Variants in CNBD1 observed in about 807,000 individuals in gnomAD.
CNBD1 encodes cyclic nucleotide binding domain containing 1.
In CNBD1, 71 loss-of-function variants were observed where a neutral mutation model predicts 54.4. The observed-to-expected ratio is 1.30, with a 90% confidence interval of 1.08 to 1.59. CNBD1 has a LOEUF of 1.59. Among genes scored for constraint, CNBD1 ranks in the 40% most tolerant of loss-of-function variants. CNBD1 has a pLI of 0.00. For missense variants in CNBD1, 659 were observed against 518.0 expected (o/e 1.27, Z -2.64); for synonymous variants, 182 against 170.7 (o/e 1.07, Z -0.51).
intron 4 of CNBD1, among the ~76,000 whole-genome samples, chr8:86,960,810 A>G (rs553512077): frequency 1.3e-5 from 2 of 152,282 alleles, no homozygotes; most frequent in African/African-American, 2.4e-5. Context: ...TCAGGCAGCA[A>G]CATCTTCCAT....
rs1442437855 is a variant in CNBD1, at chr8:87,128,390, C to T, written c.432-77603C>T. Among the ~76,000 whole-genome samples the T allele has an allele frequency of 2.6e-5, 4 of 152,182 alleles. No individual in the cohort carries two copies. In the East Asian group the frequency reaches 7.8e-4, roughly 30 times the overall value. ...ACACCTTAGCTCCGGCACCTGCCCT[C>T]CTGCATGCTCCCTCTCGTGAAGGGG... is the stretch of plus-strand genomic sequence containing the variant. On this transcript the variant is annotated intron_variant, in intron 4 of 10. Transcript: ENST00000518476.
Position 87,163,572 on chromosome 8 carries a change from C to T in CNBD1, c.432-42421C>T, listed in dbSNP as rs1812901145. 6.6e-6 allele frequency among the ~76,000 whole-genome samples: 1 copy of T among 151,336 alleles called. No homozygotes were observed. The highest frequency in any genetic ancestry group is 2.1e-4 in the South Asian group (1 of 4,808). On this transcript the variant is annotated intron_variant, in intron 4 of 10. Transcript: ENST00000518476. This position sits in a 1 kb window ranked among gnomAD's most constrained non-coding sequence, Gnocchi z 4.5. Reference sequence around the variant, plus strand: ...TAAAATATTAAATATTTTTTTGTTGCTGTTGTAATTGACATTTTTTAAAAT... The same window carrying T: ...TAAAATATTAAATATTTTTTTGTTGTTGTTGTAATTGACATTTTTTAAAAT...
At position 87,382,633 on chromosome 8, in the gene CNBD1, G is replaced by T. The variant is rs952859822; in HGVS notation, c.*6G>T. 6.5e-7 allele frequency: 1 copy of T among 1,531,616 alleles called. No homozygotes were observed. Among genetic ancestry groups the T allele is most frequent in the Non-Finnish European group, 8.8e-7 (1 of 1,130,860 alleles). The allele number at this position is 1,531,616 out of a possible 1,614,324, so 94.9% of individuals were successfully genotyped here. A position where few individuals can be genotyped will look rare whatever the true frequency, so the allele number is the denominator to read the frequency against. On this transcript the variant is annotated 3_prime_UTR_variant, in exon 11 of 11. Transcript: ENST00000518476. ...TGCCTTTTGCAGTGGCCTAGATCTAGAAACAACCTCAGTGAACATTAATTA... is the reference window on the plus strand; with the variant it reads ...TGCCTTTTGCAGTGGCCTAGATCTATAAACAACCTCAGTGAACATTAATTA...
intron 4 of CNBD1, among the ~76,000 whole-genome samples, chr8:87,185,763 A>G (rs147739214): frequency 3.4e-5 from 5 of 147,846 alleles, no homozygotes; most frequent in Non-Finnish European, 7.7e-5. Context: ...TAATAATTCA[A>G]CAGATTCTTT....
At chr8:87,115,239 A>C (rs1247334353) in intron 4 of CNBD1, among the ~76,000 whole-genome samples, 2 of 152,222 alleles carry the variant, frequency 1.3e-5, no homozygotes, top group African/African-American at 4.8e-5. Context: ...TACTTTAGAC[A>C]ATAGCAACAA....
intron 2 of CNBD1, among the ~76,000 whole-genome samples, chr8:87,389,627 C>T (rs574073337): frequency 6.6e-5 from 10 of 152,234 alleles, no homozygotes; most frequent in African/African-American, 2.4e-4. Context: ...GAAGAACATT[C>T]CATGCCCATG....
intron 4 of CNBD1, among the ~76,000 whole-genome samples, chr8:87,072,424 G>GT (rs1810777861): frequency 6.6e-6 from 1 of 152,072 alleles, no homozygotes; most frequent in South Asian, 2.1e-4. Context: ...TTTGTTTATT[G>GT]TTTTTTGTAG....
At chr8:87,130,582 G>C (rs1563480068) in intron 4 of CNBD1, among the ~76,000 whole-genome samples, 1 of 152,020 alleles carries the variant, frequency 6.6e-6, no homozygotes, top group Admixed American at 6.6e-5. Flanking sequence ...GTCAAGACCA[G>C]CTTGGGCAAC....
At position 87,307,335 on chromosome 8, in the gene CNBD1, G is replaced by T. The variant is rs184985696; in HGVS notation, c.1042+20664G>T. 3.6e-3 allele frequency among the ~76,000 whole-genome samples: 552 copies of T among 152,298 alleles called. 2 individuals carry two copies. The highest frequency in any genetic ancestry group is 0.012 in the African/African-American group (516 of 41,566). ...TTAAAGTGTAGGACACTAGCTACAG[G>T]TATTTAATGGGACATAGGCATGGGT... On this transcript the variant is annotated intron_variant, in intron 8 of 10. Coordinates refer to ENST00000518476, the MANE Select transcript of CNBD1 (RefSeq NM_173538.3).
Position 87,083,848 on chromosome 8 carries a change from A to G in CNBD1, c.432-122145A>G, listed in dbSNP as rs962630938. Among the ~76,000 whole-genome samples, 34 of 152,022 alleles carry G rather than the reference A, an allele frequency of 2.2e-4. 1 individual carries two copies. The highest frequency in any genetic ancestry group is 8.2e-4 in the African/African-American group (34 of 41,390). ...CGTGATCCGCCTGCCTCGGCCTCCC[A>G]AAGTGCTGGGATTACAGGCTTGAGC... On this transcript the variant is annotated intron_variant, in intron 4 of 10. Transcript: ENST00000518476.
At chr8:87,059,776 C>T (rs937965156) in intron 4 of CNBD1, among the ~76,000 whole-genome samples, 2 of 152,204 alleles carry the variant, frequency 1.3e-5, no homozygotes, top group Non-Finnish European at 2.9e-5. Flanking sequence ...TTGGCGTGGG[C>T]ACAGCCAGAC....
intron 10 of CNBD1, among the ~76,000 whole-genome samples, chr8:87,354,497 C>G (rs1563566633): frequency 4.6e-5 from 7 of 151,880 alleles, no homozygotes; most frequent in Non-Finnish European, 4.4e-5. Flanking sequence ...TGTTGGTGTG[C>G]TGCACCCATT....
At chr8:86,999,391 C>T (rs1337498698) in intron 4 of CNBD1, among the ~76,000 whole-genome samples, 7 of 152,170 alleles carry the variant, frequency 4.6e-5, no homozygotes, top group Admixed American at 4.6e-4. Flanking sequence ...CCTCCATGCA[C>T]AGTTACAATA....
intron 3 of CNBD1, among the ~76,000 whole-genome samples, chr8:86,906,387 C>T (rs1027585997): frequency 4.6e-5 from 7 of 152,102 alleles, no homozygotes; most frequent in Admixed American, 2.0e-4. Flanking sequence ...TTTTCAAGAA[C>T]AATTCTGTTA....
At chr8:86,982,577 G>T (rs1036323431) in intron 4 of CNBD1, among the ~76,000 whole-genome samples, 1 of 152,050 alleles carries the variant, frequency 6.6e-6, no homozygotes, top group Non-Finnish European at 1.5e-5. Flanking sequence ...TTGTAAGTTT[G>T]TCAAAAATTG....
At chr8:87,076,163 G>A (rs897855760) in intron 4 of CNBD1, among the ~76,000 whole-genome samples, 10 of 152,138 alleles carry the variant, frequency 6.6e-5, no homozygotes, top group Admixed American at 3.9e-4. Flanking sequence ...GCATGAAGTG[G>A]GTGAGAACTA....
intron 4 of CNBD1, among the ~76,000 whole-genome samples, chr8:87,186,651 A>G (rs1813481888): frequency 6.6e-6 from 1 of 152,066 alleles, no homozygotes; most frequent in African/African-American, 2.4e-5. Context: ...GTACCTACTT[A>G]TAATTTATTA....
At chr8:87,411,951 C>G (rs1807753673) in intron 2 of CNBD1, among the ~76,000 whole-genome samples, 1 of 151,852 alleles carries the variant, frequency 6.6e-6, no homozygotes, top group South Asian at 2.1e-4. Flanking sequence ...AAGTGTTTGA[C>G]ATAGCTTTTT....
chr8:87,144,954 G>T (rs1812452453), intron 4 of CNBD1, among the ~76,000 whole-genome samples: 2 of 152,006 alleles, frequency 1.3e-5, no homozygotes, highest in African/African-American at 2.4e-5. Context: ...GAATATAAAA[G>T]AGTGGTTAAG....
Sources: gnomAD v4.1 joint callset for allele counts (sites outside exome capture counted in the v4.1 genomes callset) on GRCh38, gnomAD v4.1.1 for gene constraint, Gnocchi (gnomAD v3.1) non-coding constraint, MANE v1.5 for transcripts, NCBI Gene and HGNC (gene_info 2026-07-23, HGNC 2026-07-21) for gene names.